The following CCNH variants were observed in gnomAD, a reference collection of about 807,000 sequenced individuals.
The protein encoded by CCNH is cyclin-H.
A neutral mutation model predicts 41.9 loss-of-function variants in CCNH; 31 were observed. The observed-to-expected ratio is 0.74, with a 90% CI of 0.56 to 1.00. CCNH has a LOEUF of 1.00. Ranked by LOEUF, CCNH falls within the 50% of genes least tolerant of loss-of-function variation. The pLI, the probability that CCNH is intolerant of heterozygous loss-of-function variation, is 0.00. For synonymous variants in CCNH, 138 were observed against 136.1 expected (o/e 1.01, Z -0.10); for missense variants, 362 against 388.4 (o/e 0.93, Z 0.57).
At chr5:87,329,437 C>T (rs1367423107) in intron 9 of CCNH, among the ~76,000 whole-genome samples, 3 of 151,732 alleles carry the variant, frequency 2.0e-5, no homozygotes, top group Admixed American at 6.6e-5. Context: ...GTGAGACTCC[C>T]GTCTTAAAAC....
rs2112456602 is a variant in CCNH at position 87,362,581 on chromosome 5, G to C, written c.*90+30189C>G. 1 of 1,596,102 alleles carries C rather than the reference G, an allele frequency of 6.3e-7. No individual in the cohort carries two copies. Among genetic ancestry groups the C allele is most frequent in the East Asian group, 2.2e-5 (1 of 44,648 alleles). ...AGAACAAGTACTCAATGACACAGTGGATGGCAAGGAAATCTATAATACCAT... is the reference window on the plus strand; with the variant it reads ...AGAACAAGTACTCAATGACACAGTGCATGGCAAGGAAATCTATAATACCAT... On this transcript the variant is annotated intron_variant and NMD_transcript_variant, in intron 9 of 9. Coordinates refer to the CCNH transcript ENST00000645953.
chr5:87,383,861 T>A, intron 9 of CCNH: 1 of 781,382 alleles, frequency 1.3e-6, no homozygotes, highest in Non-Finnish European at 1.8e-6. Flanking sequence ...TCTTAAATCT[T>A]TTTTTTTTTT....
intron 9 of CCNH, chr5:87,331,268 T>C: frequency 7.2e-7 from 1 of 1,380,740 alleles, no homozygotes; most frequent in Non-Finnish European, 1.0e-6. Context: ...TTAAAACCTC[T>C]AGTAGTATGT....
At chr5:87,412,634 A>G in intron 1 of CCNH, 44 bp downstream of exon 1, 1 of 1,608,970 alleles carries the variant, frequency 6.2e-7, no homozygotes. Context: ...AGCTGCTCAG[A>G]ATTTAGTGAC....
At position 87,331,293 on chromosome 5, in the gene CCNH, T is replaced by C. The variant is rs1423869174; in HGVS notation, c.*91-12396A>G. The C allele has an allele frequency of 4.0e-6, 6 of 1,517,148 alleles. No individual in the cohort carries two copies. In the East Asian group the frequency reaches 1.1e-4, roughly 29 times the overall value. 94.0% of individuals were successfully genotyped at this position (1,517,148 alleles called of 1,614,324 possible). A position where few individuals can be genotyped will look rare whatever the true frequency, so the allele number is the denominator to read the frequency against. On this transcript the variant is annotated intron_variant and NMD_transcript_variant, in intron 9 of 9. Transcript: ENST00000645953. ...TAGTAGTATGTTTTTCAAGTGTCCA[T>C]AGAAATTCTGCACTTGCTATTTATA...
At chr5:87,375,291 G>A (rs2112488011), downstream of CCNH, among the ~76,000 whole-genome samples, 1 of 151,120 alleles carries the variant, frequency 6.6e-6, no homozygotes, top group East Asian at 2.0e-4. Context: ...ATGGAGTCTT[G>A]CTCTTGTTGC....
chr5:87,373,042 G>T (rs2112482103), downstream of CCNH, among the ~76,000 whole-genome samples: 2 of 152,210 alleles, frequency 1.3e-5, no homozygotes, highest in Middle Eastern at 3.4e-3. Flanking sequence ...TCAAAAATCA[G>T]ATTGGATTTT....
chr5:87,333,583 C>T (rs1757749292), intron 9 of CCNH, among the ~76,000 whole-genome samples: 1 of 152,110 alleles, frequency 6.6e-6, no homozygotes, highest in South Asian at 2.1e-4. Flanking sequence ...TCCACTGTCT[C>T]TCACAAAGTA....
intron 8 of CCNH, chr5:87,394,730 G>GAT: frequency 3.8e-6 from 5 of 1,326,108 alleles, no homozygotes; most frequent in South Asian, 2.4e-5. Flanking sequence ...TGACTTGACA[G>GAT]ATAGAAAATT....
intron 9 of CCNH, among the ~76,000 whole-genome samples, chr5:87,370,491 C>T (rs999737320): frequency 1.3e-5 from 2 of 152,138 alleles, no homozygotes; most frequent in African/African-American, 4.8e-5. Flanking sequence ...GGAGAACCCA[C>T]CTCTATAACA....
intron 9 of CCNH, among the ~76,000 whole-genome samples, chr5:87,326,559 A>G (rs1757245457): frequency 6.6e-6 from 1 of 152,156 alleles, no homozygotes; most frequent in Non-Finnish European, 1.5e-5. Flanking sequence ...GCAAAGAAGA[A>G]GAGAGAGGGA....
the CCNH span, among the ~76,000 whole-genome samples, chr5:87,312,474 G>C: frequency 1.3e-5 from 2 of 152,078 alleles, no homozygotes; most frequent in African/African-American, 2.4e-5. Flanking sequence ...AAGATTTTCT[G>C]AGTTCTAATT....
At chr5:87,376,350 G>A (rs572587371) in exon 1 of CCNH, 29 of 1,605,226 alleles carry the variant, frequency 1.8e-5, no homozygotes, top group Middle Eastern at 1.7e-4. Context: ...ACTAATTATC[G>A]TGTTCTCTTT....
At chr5:87,394,225 AT>A, downstream of CCNH, 1 of 1,199,508 alleles carries the variant, frequency 8.3e-7, no homozygotes, top group African/African-American at 1.6e-5. Context: ...CTTTAATTTG[AT>A]ATTAGTCACG....
intron 4 of CCNH, 140 bp downstream of exon 4, chr5:87,407,836 C>G: frequency 1.6e-6 from 1 of 610,050 alleles, no homozygotes; most frequent in South Asian, 2.1e-5. Flanking sequence ...AAAACAACTG[C>G]CCTAGATGAC....
At chr5:87,339,913 C>T (rs1006897457) in intron 9 of CCNH, among the ~76,000 whole-genome samples, 4 of 152,026 alleles carry the variant, frequency 2.6e-5, no homozygotes, top group African/African-American at 7.2e-5. Flanking sequence ...GAAGATGTTT[C>T]GGGCATTCAG....
downstream of CCNH, among the ~76,000 whole-genome samples, chr5:87,393,145 T>TAGTA (rs761277384): frequency 9.2e-5 from 14 of 151,868 alleles, no homozygotes; most frequent in South Asian, 2.1e-4. Context: ...AATATGCATA[T>TAGTA]AGTAAGTATT....
In CCNH at chr5:87,395,039, C is replaced by T. The variant is rs1762814814; in HGVS notation, c.933+5G>A. Reference sequence around the variant, plus strand: ...CTTAGAGTTCATCTTTGGAGTAAAACATACCTCCTCATGTTTGGATTTCTT... The same window carrying T: ...CTTAGAGTTCATCTTTGGAGTAAAATATACCTCCTCATGTTTGGATTTCTT... On this transcript the variant is annotated splice_donor_5th_base_variant and intron_variant, in intron 8 of 8. Coordinates refer to ENST00000256897, the MANE Select transcript of CCNH (RefSeq NM_001239.4). 1 of 1,609,182 alleles carries T rather than the reference C, an allele frequency of 6.2e-7. No homozygotes were observed. The highest frequency in any genetic ancestry group is 2.2e-5 in the East Asian group (1 of 44,732).
intron 9 of CCNH, among the ~76,000 whole-genome samples, chr5:87,322,550 T>C (rs1179048345): frequency 6.6e-6 from 1 of 152,118 alleles, no homozygotes; most frequent in Admixed American, 6.5e-5. Flanking sequence ...CCCCCTTCTC[T>C]TGCTCTCTCT....
Sources: gnomAD v4.1 joint callset for allele counts (sites outside exome capture counted in the v4.1 genomes callset) on GRCh38, gnomAD v4.1.1 for gene constraint, MANE v1.5 for transcripts, NCBI Gene and HGNC (gene_info 2026-07-23, HGNC 2026-07-21) for gene names.